The following SYNE1 variants were observed in gnomAD, a reference collection of about 807,000 sequenced individuals.
SYNE1 encodes nesprin-1.
Under a neutral mutation model 1,111.0 loss-of-function variants are expected in SYNE1, and 616 were observed. The observed-to-expected ratio is 0.55, with a 90% CI of 0.52 to 0.59. The LOEUF (loss-of-function observed/expected upper bound fraction) is 0.59. Ranked by LOEUF, SYNE1 falls within the 20% of genes least tolerant of loss-of-function variation. The pLI, the probability that SYNE1 is intolerant of heterozygous loss-of-function variation, is 0.00. For missense variants in SYNE1, 10,006 were observed against 10,417.0 expected (o/e 0.96, Z 1.72); for synonymous variants, 3,855 against 3,825.8 (o/e 1.01, Z -0.28).
chr6:152,485,464 G>T (rs756364995), intron 12 of SYNE1, among the ~76,000 whole-genome samples: 17 of 152,166 alleles, frequency 1.1e-4, no homozygotes, highest in Non-Finnish European at 2.5e-4. Context: ...GTCTAGATTT[G>T]TGTTTAAGTA....
At chr6:152,144,341 C>CT (rs1373354667) in intron 137 of SYNE1, 1 of 155,200 alleles carries the variant, frequency 6.4e-6, no homozygotes, top group Non-Finnish European at 1.4e-5. Flanking sequence ...CAACGACTTG[C>CT]TTTTTATCTA....
chr6:152,300,667 C>A lies in SYNE1; in HGVS notation c.17656G>T (p.Ala5886Ser). 1.2e-6 allele frequency: 2 copies of A among 1,614,156 alleles called. No individual in the cohort carries two copies. Among genetic ancestry groups the A allele is most frequent in the South Asian group, 1.1e-5 (1 of 91,080 alleles). The change falls in exon 93 of 146, where the codon GCT becomes TCT. Residue 5886 changes from alanine (A) to serine (S), a missense_variant. Ala to Ser is a moderately conservative substitution (Grantham distance 99). Transcript: ENST00000367255. ...PPACRSPSPV[A>S]NTDASVNQDI... ...TGGTTAACAGAAGCATCTGTATTAG[C>A]CACAGGTGAAGGGGAGCGACAGGCA...
chr6:152,456,400 C>A (rs1392962069), intron 22 of SYNE1, among the ~76,000 whole-genome samples: 21 of 151,566 alleles, frequency 1.4e-4, no homozygotes, highest in Admixed American at 1.4e-3. Context: ...ATTGAGAGAA[C>A]AATCATGAAA....
Position 152,201,810 on chromosome 6 carries a change from G to C in SYNE1, c.23145+14C>G. The stretch of plus-strand genomic sequence containing the variant: ...CACACAGGTGACGGTGAAAATCTCA[G>C]TTCAGTAATTTACCTTGCAACGCAT... On this transcript the variant is annotated intron_variant, in intron 127 of 145. Coordinates refer to ENST00000367255, the MANE Select transcript of SYNE1 (RefSeq NM_182961.4). 6.2e-7 allele frequency: 1 copy of C among 1,613,872 alleles called. No individual in the cohort carries two copies.
In SYNE1 at chr6:152,256,716, C is replaced by G. The variant is rs769384397; in HGVS notation, c.19022G>C (p.Gly6341Ala). Residue 6341 changes from glycine (G) to alanine (A), a missense_variant, in exon 102 of 146, where the codon GGG becomes GCG. Coordinates refer to ENST00000367255, the MANE Select transcript of SYNE1 (RefSeq NM_182961.4). Reference sequence around the variant, plus strand: ...AGATTTATCTTGGGTTGGCACGTCCCCTTTGTACAGTGGCACACCAGACAA... The same window carrying G: ...AGATTTATCTTGGGTTGGCACGTCCGCTTTGTACAGTGGCACACCAGACAA... ...RLLSGVPLYK[G>A]DVPTQDKSAV... The G allele has an allele frequency of 5.0e-6, 8 of 1,614,068 alleles. No individual in the cohort carries two copies. In the Admixed American group the frequency reaches 1.3e-4, roughly 27 times the overall value.
chr6:152,311,945 G>A (rs888120302), intron 87 of SYNE1, among the ~76,000 whole-genome samples: 5 of 151,010 alleles, frequency 3.3e-5, no homozygotes, highest in African/African-American at 4.8e-5. Context: ...CACCACGCCT[G>A]GCTAATTTTT....
In SYNE1 at chr6:152,526,175, G is replaced by A. The variant is rs983923348; in HGVS notation, c.130C>T (p.Arg44Trp). 52 of 1,613,768 alleles carry A rather than the reference G, an allele frequency of 3.2e-5. No homozygotes were observed. Among genetic ancestry groups the A allele is most frequent in the East Asian group, 4.5e-5 (2 of 44,876 alleles). The change falls in exon 5 of 146, where the codon CGG becomes TGG. Residue 44 changes from arginine (R) to tryptophan (W), a missense_variant and splice_region_variant. This residue lies in a region of SYNE1 where 1,971 missense variants were observed against 2,084.1 expected (regional missense o/e 0.95). Coordinates refer to ENST00000367255, the MANE Select transcript of SYNE1 (RefSeq NM_182961.4). ...TCGTCCACCACCATTGGAGGTTTCC[G>A]CTGTAAAAGCAAAGAGGAATAAGTG... ...TKWINSHLAK[R>W]KPPMVVDDLF...
At chr6:152,547,418 A>G (rs1332245450) in intron 3 of SYNE1, among the ~76,000 whole-genome samples, 3 of 152,224 alleles carry the variant, frequency 2.0e-5, no homozygotes, top group Non-Finnish European at 4.4e-5. Flanking sequence ...TTTGTACATT[A>G]TATATTCTGT....
intron 95 of SYNE1, among the ~76,000 whole-genome samples, chr6:152,288,463 A>C (rs2153747101): frequency 6.6e-6 from 1 of 152,268 alleles, no homozygotes; most frequent in Non-Finnish European, 1.5e-5. Flanking sequence ...GCCATTTAAA[A>C]CTCACAATGT....
At position 152,337,031 on chromosome 6, in the gene SYNE1, A is replaced by G. The variant is rs2096405839; in HGVS notation, c.12352-14T>C. Reference sequence around the variant, plus strand: ...CTTTTGTTCAATCTTGAGAAAACACAGAGATAAAAGTTAGCAACCATACAT... The same window carrying G: ...CTTTTGTTCAATCTTGAGAAAACACGGAGATAAAAGTTAGCAACCATACAT... On this transcript the variant is annotated splice_polypyrimidine_tract_variant and intron_variant, in intron 75 of 145. Coordinates refer to ENST00000367255, the MANE Select transcript of SYNE1 (RefSeq NM_182961.4). The G allele has an allele frequency of 6.2e-7, 1 of 1,611,522 alleles. No individual in the cohort carries two copies. Among genetic ancestry groups the G allele is most frequent in the Admixed American group, 1.7e-5 (1 of 59,848 alleles).
intron 30 of SYNE1, among the ~76,000 whole-genome samples, chr6:152,443,334 G>A (rs987969319): frequency 2.0e-5 from 3 of 151,974 alleles, no homozygotes; most frequent in Non-Finnish European, 2.9e-5. Flanking sequence ...GGGCAATCTC[G>A]GCTCATTGCA....
intron 8 of SYNE1, among the ~76,000 whole-genome samples, chr6:152,507,877 A>T (rs2154335176): frequency 6.6e-6 from 1 of 152,288 alleles, no homozygotes; most frequent in Non-Finnish European, 1.5e-5. Context: ...TAACTATCTT[A>T]TGTTACTGAA....
chr6:152,224,556 A>G lies in SYNE1; in HGVS notation c.21460T>C (p.Ser7154Pro). Residue 7154 changes from serine (S) to proline (P), a missense_variant, in exon 117 of 146, where the codon TCC becomes CCC. Coordinates refer to ENST00000367255, the MANE Select transcript of SYNE1 (RefSeq NM_182961.4). ...SYLMEARYSL[S>P]RFRLLTGSLE... ...GAGCCAGTCAGCAGACGGAATCGGG[A>G]AAGAGAGTATCTGGCCTCCATGAGG... 1.2e-6 allele frequency: 2 copies of G among 1,614,054 alleles called. No homozygotes were observed. Among genetic ancestry groups the G allele is most frequent in the Middle Eastern group, 1.7e-4 (1 of 6,058 alleles).
chr6:152,300,919 T>C, intron 92 of SYNE1, 138 bp from the exon 93 acceptor site: 2 of 1,192,290 alleles, frequency 1.7e-6, no homozygotes, highest in Non-Finnish European at 2.4e-6. Flanking sequence ...CACATATTAA[T>C]CCTGTGTTAG....
chr6:152,294,277 C>G, intron 93 of SYNE1, 150 bp from the exon 94 acceptor site: 1 of 796,934 alleles, frequency 1.3e-6, no homozygotes, highest in Admixed American at 2.4e-5. Flanking sequence ...ACTCTTGTGA[C>G]AAGAAAAATG....
At chr6:152,442,699 A>C (rs994037254) in intron 30 of SYNE1, among the ~76,000 whole-genome samples, 1 of 152,216 alleles carries the variant, frequency 6.6e-6, no homozygotes, top group Non-Finnish European at 1.5e-5. Context: ...TAATCCTAGC[A>C]TTTTGGGAGG....
chr6:152,204,475 A>G (rs145232026), intron 126 of SYNE1, among the ~76,000 whole-genome samples: 156 of 152,284 alleles, frequency 1.0e-3, no homozygotes, highest in African/African-American at 3.6e-3. Flanking sequence ...CATACAGAGC[A>G]TGGAATTATA....
At chr6:152,475,305 T>A (rs2098828627) in intron 14 of SYNE1, among the ~76,000 whole-genome samples, 1 of 152,136 alleles carries the variant, frequency 6.6e-6, no homozygotes, top group African/African-American at 2.4e-5. Flanking sequence ...ATGTTGTAAG[T>A]CAAAAATGTA....
intron 16 of SYNE1, among the ~76,000 whole-genome samples, chr6:152,470,389 A>G (rs1034090266): frequency 6.6e-6 from 1 of 152,276 alleles, no homozygotes; most frequent in Non-Finnish European, 1.5e-5. Flanking sequence ...GAAAATATAC[A>G]TGCATATTTG....
Sources: allele counts gnomAD v4.1 joint callset (sites outside exome capture counted in the v4.1 genomes callset), GRCh38; gene constraint gnomAD v4.1.1; regional missense constraint gnomAD v4.1.1; transcripts MANE v1.5; gene names NCBI Gene and HGNC (gene_info 2026-07-23, HGNC 2026-07-21).